The following NCOA1 variants were observed in gnomAD, a reference collection of about 807,000 sequenced individuals.
The protein encoded by NCOA1 is nuclear receptor coactivator 1, also known as Hin-2 protein.
In NCOA1, 35 loss-of-function variants were observed where a neutral mutation model predicts 150.9. That is an observed-to-expected ratio of 0.23 (90% confidence interval 0.18 to 0.31). The LOEUF (loss-of-function observed/expected upper bound fraction) is 0.31, where lower values mean the gene tolerates loss of function less well. NCOA1 is among the 10% of genes least tolerant of loss of function. The probability of loss-of-function intolerance (pLI) is 1.00; values close to 1 mark genes in which losing one functional copy is unlikely to be tolerated. For missense variants in NCOA1, 1,491 were observed against 1,749.3 expected, an observed-to-expected ratio of 0.85 and a Z score of 2.63; for synonymous variants, 590 against 630.0, an observed-to-expected ratio of 0.94 and a Z score of 0.95.
intron 2 of NCOA1, among the ~76,000 whole-genome samples, chr2:24,581,042 C>T (rs563195806): frequency 9.2e-5 from 14 of 152,284 alleles, no homozygotes; most frequent in South Asian, 2.1e-4. Flanking sequence ...GGGAGAGATT[C>T]TTTGTTACTG....
intron 14 of NCOA1, among the ~76,000 whole-genome samples, chr2:24,712,928 G>T (rs1558308208): frequency 1.3e-5 from 2 of 152,068 alleles, no homozygotes; most frequent in Non-Finnish European, 2.9e-5. Flanking sequence ...GGCCAGTAAT[G>T]ATTAAGAATT....
chr2:24,682,475 G>A (rs549759752), intron 7 of NCOA1, among the ~76,000 whole-genome samples: 1 of 152,110 alleles, frequency 6.6e-6, no homozygotes, highest in Admixed American at 6.5e-5. Flanking sequence ...GTCTTCTTTT[G>A]GAGACCCCTG....
intron 15 of NCOA1, among the ~76,000 whole-genome samples, chr2:24,727,304 T>C (rs368600118): frequency 2.0e-5 from 3 of 152,318 alleles, no homozygotes; most frequent in Admixed American, 6.5e-5. Flanking sequence ...CTTTAATTGA[T>C]TACCATAATG....
intron 1 of NCOA1, among the ~76,000 whole-genome samples, chr2:24,510,573 C>T (rs1413707235): frequency 6.6e-6 from 1 of 151,642 alleles, no homozygotes; most frequent in African/African-American, 2.4e-5. Context: ...GAACTCCTGG[C>T]TTCAAGTGAT....
At chr2:24,505,381 G>C (rs1457732639) in intron 1 of NCOA1, among the ~76,000 whole-genome samples, 1 of 152,166 alleles carries the variant, frequency 6.6e-6, no homozygotes, top group Non-Finnish European at 1.5e-5. Context: ...GTTTCTCCCT[G>C]TTGGTCAGGC....
At chr2:24,537,476 A>G (rs1442308358) in intron 1 of NCOA1, among the ~76,000 whole-genome samples, 1 of 150,148 alleles carries the variant, frequency 6.7e-6, no homozygotes, top group Non-Finnish European at 1.5e-5. Flanking sequence ...TATATATAAT[A>G]TATGTATGTG....
intron 1 of NCOA1, among the ~76,000 whole-genome samples, chr2:24,493,096 C>G (rs1663051820): frequency 6.6e-6 from 1 of 152,186 alleles, no homozygotes; most frequent in Non-Finnish European, 1.5e-5. Flanking sequence ...TTGCTTAGGT[C>G]TCTTGGATCT....
chr2:24,716,160 A>G, intron 14 of NCOA1, among the ~76,000 whole-genome samples: 1 of 151,892 alleles, frequency 6.6e-6, no homozygotes, highest in East Asian at 1.9e-4. Context: ...AAAAAAAAAA[A>G]AAAATCTGAG....
intron 1 of NCOA1, among the ~76,000 whole-genome samples, chr2:24,561,152 T>A (rs1666277770): frequency 6.6e-6 from 1 of 152,160 alleles, no homozygotes; most frequent in Non-Finnish European, 1.5e-5. Flanking sequence ...GGAATAAGAC[T>A]GTATTTGTAG....
intron 19 of NCOA1, among the ~76,000 whole-genome samples, chr2:24,745,244 C>G (rs1298966368): frequency 1.3e-5 from 2 of 151,234 alleles, no homozygotes; most frequent in Non-Finnish European, 2.9e-5. Flanking sequence ...TCACTGCAAC[C>G]TCCACCTCCC....
chr2:24,541,950 CTG>C (rs1346452429), intron 1 of NCOA1, among the ~76,000 whole-genome samples: 1 of 152,068 alleles, frequency 6.6e-6, no homozygotes, highest in Non-Finnish European at 1.5e-5. Flanking sequence ...AGAAGGCACT[CTG>C]AGAACAGGAA....
intron 1 of NCOA1, among the ~76,000 whole-genome samples, chr2:24,518,902 G>A (rs933222513): frequency 1.3e-5 from 2 of 152,124 alleles, no homozygotes; most frequent in African/African-American, 4.8e-5. Context: ...TCCCCCAAGT[G>A]TTCTGTGTGT....
At chr2:24,650,100 T>C (rs967627759) in intron 4 of NCOA1, among the ~76,000 whole-genome samples, 1 of 152,222 alleles carries the variant, frequency 6.6e-6, no homozygotes, top group African/African-American at 2.4e-5. Flanking sequence ...CTTTTTATTC[T>C]TGGCCATAAT....
rs945278008 is a variant in NCOA1, at chr2:24,597,205, A to G, written c.-175+12645A>G. Among the ~76,000 whole-genome samples, 4 of 152,192 alleles carry G rather than the reference A, an allele frequency of 2.6e-5. No individual in the cohort carries two copies. The East Asian group carries it at 5.8e-4, about 22-fold the overall frequency. ...TTCCCATGAATAGTATCCTGAGCTC[A>G]TAACCTATAACCTTATGATGTTTAC... On this transcript the variant is annotated intron_variant, in intron 3 of 22. Coordinates refer to ENST00000348332, the MANE Select transcript of NCOA1 (RefSeq NM_003743.5).
chr2:24,690,583 C>T (rs1290180914), intron 8 of NCOA1, among the ~76,000 whole-genome samples: 4 of 128,874 alleles, frequency 3.1e-5, no homozygotes, highest in Admixed American at 1.9e-4. Flanking sequence ...ATCCAGGAGG[C>T]GCAGGTTGTG....
chr2:24,511,453 ATTG>A (rs1181466341), intron 1 of NCOA1, among the ~76,000 whole-genome samples: 1 of 152,104 alleles, frequency 6.6e-6, no homozygotes, highest in Non-Finnish European at 1.5e-5. Flanking sequence ...TCTCACTATA[ATTG>A]TTGATTTGCA....
At chr2:24,674,210 CTTT>C (rs1157358626) in intron 7 of NCOA1, among the ~76,000 whole-genome samples, 1 of 138,512 alleles carries the variant, frequency 7.2e-6, no homozygotes, top group African/African-American at 2.6e-5. Flanking sequence ...TTGGGTACCC[CTTT>C]TTTTTTTTTT....
At chr2:24,574,337 T>C (rs968844987) in intron 2 of NCOA1, among the ~76,000 whole-genome samples, 3 of 152,124 alleles carry the variant, frequency 2.0e-5, no homozygotes, top group Non-Finnish European at 4.4e-5. Context: ...CTTTTTAGTT[T>C]TCAAGGAACA....
intron 3 of NCOA1, among the ~76,000 whole-genome samples, chr2:24,610,445 C>T (rs62142303): frequency 5.1e-4 from 77 of 151,876 alleles, no homozygotes; most frequent in African/African-American, 1.0e-3. Context: ...CCAGCCTTTA[C>T]GCTGCATTCT....
Sources: allele counts gnomAD v4.1 joint callset (sites outside exome capture counted in the v4.1 genomes callset), GRCh38; gene constraint gnomAD v4.1.1; transcripts MANE v1.5; gene names NCBI Gene and HGNC (gene_info 2026-07-23, HGNC 2026-07-21).